The following ANKS4B variants were observed in gnomAD, a reference collection of about 807,000 sequenced individuals.
ANKS4B encodes the protein ankyrin repeat and SAM domain-containing protein 4B.
A neutral mutation model predicts 20.2 loss-of-function variants in ANKS4B; 21 were observed. That is an observed-to-expected ratio of 1.04 (90% CI 0.74 to 1.50). The LOEUF (loss-of-function observed/expected upper bound fraction) is 1.50. Among genes scored for constraint, ANKS4B ranks in the 40% most tolerant of loss-of-function variants. The pLI is 0.00. For synonymous variants in ANKS4B, 179 were observed against 194.5 expected, an observed-to-expected ratio of 0.92 and a Z score of 0.66; for missense variants, 473 against 494.6, an observed-to-expected ratio of 0.96 and a Z score of 0.41.
intron 1 of ANKS4B, among the ~76,000 whole-genome samples, chr16:21,245,529 G>A (rs1280605159): frequency 2.0e-5 from 3 of 151,780 alleles, no homozygotes; most frequent in East Asian, 1.9e-4. Context: ...GCTGGAGTGC[G>A]GCGGCGCAAT....
chr16:21,240,931 C>T (rs1402459108), intron 1 of ANKS4B, among the ~76,000 whole-genome samples: 2 of 152,004 alleles, frequency 1.3e-5, no homozygotes, highest in East Asian at 3.9e-4. Context: ...GCTGGAACTA[C>T]AGGTATGCGC....
Position 21,250,028 on chromosome 16 carries a change from G to C in ANKS4B, c.462G>C (p.Gln154His), listed in dbSNP as rs369326714. The C allele has an allele frequency of 8.1e-6, 13 of 1,614,020 alleles. No homozygotes were observed. The highest frequency in any genetic ancestry group is 1.1e-5 in the Non-Finnish European group (13 of 1,180,028). The change falls in exon 2 of 2, where the codon CAG (glutamine) becomes CAC (histidine). Residue 154 changes from glutamine to histidine, a missense_variant. Transcript: ENST00000311620. Reference protein sequence around the residue: ...RRQIKECERLQEKHQNKMAHT... With the variant: ...RRQIKECERLHEKHQNKMAHT... ...AGATCAAAGAGTGTGAGAGGCTCCA[G>C]GAGAAGCACCAAAATAAGATGGCCC...
chr16:21,237,737 C>T (rs2093321968), intron 1 of ANKS4B, among the ~76,000 whole-genome samples: 2 of 152,194 alleles, frequency 1.3e-5, no homozygotes, highest in Admixed American at 1.3e-4. Context: ...TAAGTTTCAA[C>T]ATGAATTCTG....
At position 21,253,036 on chromosome 16, in the gene ANKS4B, A is replaced by C. The variant is rs1228538158; in HGVS notation, c.*2216A>C. The C allele has an allele frequency of 6.6e-6, 1 of 151,858 alleles. No individual in the cohort carries two copies. Among genetic ancestry groups the C allele is most frequent in the Non-Finnish European group, 1.5e-5 (1 of 68,022 alleles). The allele number at this position is 151,858 out of a possible 1,614,324, so 9.4% of individuals were successfully genotyped here. On this transcript the variant is annotated 3_prime_UTR_variant, in exon 2 of 2. Transcript: ENST00000311620. ...AGACTCCATCTCAAAAAAAAAAAAA[A>C]AAAAAAAGAAAAAAGAAACTGACAA...
intron 1 of ANKS4B, among the ~76,000 whole-genome samples, chr16:21,243,351 G>A (rs1450426623): frequency 3.3e-5 from 5 of 152,126 alleles, no homozygotes; most frequent in Non-Finnish European, 7.3e-5. Context: ...CTTAGCCCAC[G>A]AAAACCGTAG....
At chr16:21,242,834 C>A (rs1206177130) in intron 1 of ANKS4B, among the ~76,000 whole-genome samples, 1 of 152,208 alleles carries the variant, frequency 6.6e-6, no homozygotes. Context: ...TTCCTTAGGA[C>A]AAATTCCTAA....
chr16:21,239,298 A>C (rs1407809717), intron 1 of ANKS4B, among the ~76,000 whole-genome samples: 1 of 152,146 alleles, frequency 6.6e-6, no homozygotes, highest in East Asian at 1.9e-4. Context: ...CAATAAAGAT[A>C]CATGCCTGGA....
chr16:21,247,120 C>T (rs574945852), intron 1 of ANKS4B, among the ~76,000 whole-genome samples: 60 of 150,702 alleles, frequency 4.0e-4, no homozygotes, highest in African/African-American at 1.4e-3. Flanking sequence ...GGCTGGAGTG[C>T]AGTGGTGTGA....
intron 1 of ANKS4B, 143 bp from the exon 2 acceptor site, chr16:21,249,588 A>T: frequency 1.0e-6 from 1 of 955,408 alleles, no homozygotes. Flanking sequence ...ACTTGCAGCC[A>T]GTATCTTATA....
intron 1 of ANKS4B, among the ~76,000 whole-genome samples, chr16:21,236,885 A>G (rs1299773406): frequency 1.3e-5 from 2 of 152,228 alleles, no homozygotes; most frequent in Admixed American, 6.5e-5. Context: ...ATATTCTTCT[A>G]TAAATTTCAG....
At chr16:21,236,199 C>A (rs2093320021) in intron 1 of ANKS4B, among the ~76,000 whole-genome samples, 1 of 152,038 alleles carries the variant, frequency 6.6e-6, no homozygotes, top group African/African-American at 2.4e-5. Flanking sequence ...AGCAAGAGAG[C>A]AAGGGGGGAG....
chr16:21,240,455 A>AC (rs2093325177), intron 1 of ANKS4B, among the ~76,000 whole-genome samples: 1 of 151,988 alleles, frequency 6.6e-6, no homozygotes, highest in Non-Finnish European at 1.5e-5. Flanking sequence ...CACCCCGCTA[A>AC]TTTTTGTATT....
chr16:21,250,706 G>A lies in ANKS4B; in HGVS notation c.1140G>A (p.Glu380=), dbSNP rs1240948618. 1.9e-6 allele frequency: 3 copies of A among 1,612,584 alleles called. No homozygotes were observed. Among genetic ancestry groups the A allele is most frequent in the Non-Finnish European group, 2.5e-6 (3 of 1,178,746 alleles). ...AAGCTCTGCTGCTCTGCTCTGATGA[G>A]GACCTTCAGAGCATACAAATGCAGC... ...DLEALLLCSD[E]DLQSIQMQLG... The change falls in exon 2 of 2, where the codon GAG becomes GAA. Residue 380 remains glutamate (E), a synonymous_variant. Transcript: ENST00000311620.
In ANKS4B at chr16:21,250,920, G is replaced by T; in HGVS notation, c.*100G>T. 1.4e-6 allele frequency: 2 copies of T among 1,471,856 alleles called. No individual in the cohort carries two copies. Among genetic ancestry groups the T allele is most frequent in the Non-Finnish European group, 1.8e-6 (2 of 1,102,650 alleles). The allele number at this position is 1,471,856 out of a possible 1,614,324, so 91.2% of individuals were successfully genotyped here. On this transcript the variant is annotated 3_prime_UTR_variant, in exon 2 of 2. Coordinates refer to ENST00000311620, the MANE Select transcript of ANKS4B (RefSeq NM_145865.3). ...ACCCAATGCCAGACCACTGGGAATG[G>T]ATTCTAGGGCATCGGAAATGCCTAC...
chr16:21,245,364 A>G (rs970786293), intron 1 of ANKS4B, among the ~76,000 whole-genome samples: 8 of 152,212 alleles, frequency 5.3e-5, no homozygotes, highest in African/African-American at 1.9e-4. Flanking sequence ...CATGTGGCTG[A>G]CACAAAGGAG....
rs1292893395 is a variant in ANKS4B, at chr16:21,250,888, CCT to C, written c.*71_*72del. ...GCTGGCAGCACTCCAGGCGGCACCC[CCT>C]CTTTACCCAATGCCAGACCACTGGG... On this transcript the variant is annotated 3_prime_UTR_variant, in exon 2 of 2. Coordinates refer to ENST00000311620, the MANE Select transcript of ANKS4B (RefSeq NM_145865.3). 6.6e-7 allele frequency: 1 copy of C among 1,515,888 alleles called. No individual in the cohort carries two copies. The highest frequency in any genetic ancestry group is 8.8e-7 in the Non-Finnish European group (1 of 1,130,812). 93.9% of individuals were successfully genotyped at this position (1,515,888 alleles called of 1,614,324 possible).
At chr16:21,245,165 G>T (rs2093330870) in intron 1 of ANKS4B, among the ~76,000 whole-genome samples, 1 of 152,134 alleles carries the variant, frequency 6.6e-6, no homozygotes, top group Admixed American at 6.6e-5. Flanking sequence ...TGGATTTGTG[G>T]CTTCGTTTGA....
At chr16:21,241,885 T>C (rs555896543) in intron 1 of ANKS4B, among the ~76,000 whole-genome samples, 11 of 152,290 alleles carry the variant, frequency 7.2e-5, no homozygotes, top group Admixed American at 4.6e-4. Flanking sequence ...TTTTCAAATA[T>C]ACAGTGTATT....
In ANKS4B at chr16:21,233,915, G is replaced by A. The variant is rs80309868; in HGVS notation, c.164+14G>A. On this transcript the variant is annotated intron_variant, in intron 1 of 1. Coordinates refer to ENST00000311620, the MANE Select transcript of ANKS4B (RefSeq NM_145865.3). ...CTGCAGTAGAGGGTAAGTTCAACCCGATGGTTTCTGTTGGAAACAGTGTTC... is the reference window on the plus strand; with the variant it reads ...CTGCAGTAGAGGGTAAGTTCAACCCAATGGTTTCTGTTGGAAACAGTGTTC... 6,724 of 1,603,376 alleles carry A rather than the reference G, an allele frequency of 4.2e-3. 239 individuals carry two copies. In the African/African-American group the frequency reaches 0.079, roughly 19 times the overall value.
Sources: gnomAD v4.1 joint callset for allele counts (sites outside exome capture counted in the v4.1 genomes callset) on GRCh38, gnomAD v4.1.1 for gene constraint, MANE v1.5 for transcripts, NCBI Gene and HGNC (gene_info 2026-07-23, HGNC 2026-07-21) for gene names.